CMTM6: variants seen among roughly 807,000 people sequenced by gnomAD.
The protein encoded by CMTM6 is CKLF like MARVEL transmembrane domain containing 6.
CMTM6 carries 5 observed loss-of-function variants against 13.6 expected under a neutral mutation model. The ratio of observed to expected loss-of-function variants is 0.37; its 90% confidence interval spans 0.19 to 0.77. The LOEUF is 0.77. Among genes scored for constraint, CMTM6 ranks in the 30% least tolerant of loss-of-function variants. CMTM6 has a pLI of 0.50. For synonymous variants in CMTM6, 99 were observed against 84.5 expected (o/e 1.17, Z -0.94); for missense variants, 196 against 218.6 (o/e 0.90, Z 0.65).
At position 32,483,954 on chromosome 3, in the gene CMTM6, G is replaced by C; in HGVS notation, c.*6C>G. ...TACCTTAGGTAACATCTGCTCCCCA[G>C]AGTCTTTAGGCATTAAGTGGCTCAG... is the stretch of plus-strand genomic sequence containing the variant. On this transcript the variant is annotated 3_prime_UTR_variant, in exon 4 of 4. Transcript: ENST00000205636. 3.8e-6 allele frequency: 6 copies of C among 1,590,334 alleles called. No homozygotes were observed. The highest frequency in any genetic ancestry group is 5.1e-6 in the Non-Finnish European group (6 of 1,171,758).
intron 1 of CMTM6, among the ~76,000 whole-genome samples, chr3:32,500,777 G>T (rs1291383770): frequency 1.3e-5 from 2 of 152,016 alleles, no homozygotes; most frequent in Non-Finnish European, 2.9e-5. Flanking sequence ...ACTATAAGAA[G>T]GTAATCAGAA....
rs185905931 is a variant in CMTM6 at position 32,497,731 on chromosome 3, G to A, written c.138+4877C>T. ...AAATTAGCCGGGCATGGTGGTGCACGCCTGTAGTCCCAGCTACTCAGGAGG... is the reference window on the plus strand; with the variant it reads ...AAATTAGCCGGGCATGGTGGTGCACACCTGTAGTCCCAGCTACTCAGGAGG... On this transcript the variant is annotated intron_variant, in intron 1 of 3. Transcript: ENST00000205636. 2.9e-3 allele frequency among the ~76,000 whole-genome samples: 440 copies of A among 151,852 alleles called. 1 individual carries two copies. The highest frequency in any genetic ancestry group is 0.01 in the African/African-American group (429 of 41,430).
At position 32,491,703 on chromosome 3, in the gene CMTM6, T is replaced by G; in HGVS notation, c.315+7A>C. ...TTAATACAGGGATGATATTTTCTCATGCTTACCGATGATTTTACTTTTGTG... is the reference window on the plus strand; with the variant it reads ...TTAATACAGGGATGATATTTTCTCAGGCTTACCGATGATTTTACTTTTGTG... On this transcript the variant is annotated splice_region_variant and intron_variant, in intron 2 of 3. Transcript: ENST00000205636. 1 of 1,586,136 alleles carries G rather than the reference T, an allele frequency of 6.3e-7. No homozygotes were observed. The highest frequency in any genetic ancestry group is 8.6e-7 in the Non-Finnish European group (1 of 1,167,760).
chr3:32,492,268 G>A (rs1190418878), intron 1 of CMTM6, among the ~76,000 whole-genome samples: 1 of 152,152 alleles, frequency 6.6e-6, no homozygotes, highest in East Asian at 1.9e-4. Flanking sequence ...CAGAGAAGCA[G>A]TATATAGAAA....
intron 3 of CMTM6, among the ~76,000 whole-genome samples, chr3:32,485,037 T>TA (rs1697190944): frequency 7.3e-6 from 1 of 137,408 alleles, no homozygotes; most frequent in East Asian, 2.5e-4. Flanking sequence ...CACCCTCCCA[T>TA]CCCCCGCCAC....
intron 1 of CMTM6, 47 bp from the exon 2 acceptor site, chr3:32,491,933 C>T: frequency 6.8e-7 from 1 of 1,473,812 alleles, no homozygotes; most frequent in African/African-American, 1.4e-5. Context: ...TTCAGAGAAT[C>T]TACAGTATTT....
intron 1 of CMTM6, among the ~76,000 whole-genome samples, chr3:32,494,882 A>G (rs1454060657): frequency 6.6e-6 from 1 of 152,234 alleles, no homozygotes; most frequent in Non-Finnish European, 1.5e-5. Context: ...AAGGGGTAGC[A>G]CAGGGAAGCC....
At chr3:32,487,798 G>A (rs1030706122) in intron 3 of CMTM6, 140 bp downstream of exon 3, 47 of 552,056 alleles carry the variant, frequency 8.5e-5, no homozygotes, top group Non-Finnish European at 1.5e-4. Flanking sequence ...TTGCTTGTAG[G>A]TCTTCTATTC....
intron 2 of CMTM6, among the ~76,000 whole-genome samples, chr3:32,488,748 G>T (rs1697226392): frequency 6.6e-6 from 1 of 152,154 alleles, no homozygotes; most frequent in African/African-American, 2.4e-5. Context: ...CTACATAAAA[G>T]CTTCCATATC....
chr3:32,502,622 T>C lies in CMTM6; in HGVS notation c.124A>G (p.Lys42Glu). The C allele has an allele frequency of 6.3e-7, 1 of 1,597,440 alleles. No homozygotes were observed. The highest frequency in any genetic ancestry group is 8.5e-7 in the Non-Finnish European group (1 of 1,174,008). ...CGCGGACTCACCAGCTGCAAGCCCT[T>C]GAGAACGCGCCGGAGCAATGGGAGC... ...GRLPLLRRVL[K>E]GLQLLLSLLA... The change falls in exon 1 of 4, where the codon AAG becomes GAG. Residue 42 changes from lysine to glutamate, a missense_variant. Physicochemically the swap from Lys to Glu is moderately conservative, Grantham distance 56. Coordinates refer to ENST00000205636, the MANE Select transcript of CMTM6 (RefSeq NM_017801.3).
At chr3:32,485,378 TG>T in intron 3 of CMTM6, among the ~76,000 whole-genome samples, 1 of 152,234 alleles carries the variant, frequency 6.6e-6, no homozygotes, top group East Asian at 1.9e-4. Flanking sequence ...ATATAAATAC[TG>T]GGACAGTCTA....
At chr3:32,489,929 CTGT>C (rs1697236662) in intron 2 of CMTM6, among the ~76,000 whole-genome samples, 1 of 152,168 alleles carries the variant, frequency 6.6e-6, no homozygotes, top group Non-Finnish European at 1.5e-5. Context: ...ATGTTGGCTA[CTGT>C]TGTTCTTAAT....
At chr3:32,484,231 GTAAAAAAAATT>G (rs1697182557) in intron 3 of CMTM6, 134 bp from the exon 4 acceptor site, 7 of 726,976 alleles carry the variant, frequency 9.6e-6, no homozygotes, top group Non-Finnish European at 4.0e-6. Context: ...CTCTTTAATG[GTAAAAAAAATT>G]TTTTTAAGTC....
At chr3:32,496,643 T>C (rs1368237443) in intron 1 of CMTM6, among the ~76,000 whole-genome samples, 1 of 152,116 alleles carries the variant, frequency 6.6e-6, no homozygotes, top group South Asian at 2.1e-4. Flanking sequence ...GCATTCATTA[T>C]ATGTAGGTTA....
chr3:32,489,455 A>G (rs775606905), intron 2 of CMTM6, among the ~76,000 whole-genome samples: 2 of 152,004 alleles, frequency 1.3e-5, no homozygotes, highest in Non-Finnish European at 2.9e-5. Context: ...GTTCAAGAAC[A>G]CCATGGCCAA....
Position 32,482,971 on chromosome 3 carries a change from T to C in CMTM6, c.*989A>G, listed in dbSNP as rs555520608. 16 of 152,626 alleles carry C rather than the reference T, an allele frequency of 1.0e-4. No individual in the cohort carries two copies. The highest frequency in any genetic ancestry group is 3.9e-4 in the African/African-American group (16 of 41,532). The allele number at this position is 152,626 out of a possible 1,614,324, so 9.5% of individuals were successfully genotyped here. A position where few individuals can be genotyped will look rare whatever the true frequency, so the allele number is the denominator to read the frequency against. The stretch of plus-strand genomic sequence containing the variant: ...GAACAGATGAAAAACCAAAGGCTGG[T>C]GTCCTAAAAAAAACAGATTGGCTTC... On this transcript the variant is annotated 3_prime_UTR_variant, in exon 4 of 4. Transcript: ENST00000205636.
intron 1 of CMTM6, among the ~76,000 whole-genome samples, chr3:32,499,970 A>G (rs1697330962): frequency 6.6e-6 from 1 of 151,702 alleles, no homozygotes; most frequent in African/African-American, 2.4e-5. Context: ...CGAAGACTCT[A>G]ATGTAAGAAT....
rs1053937134 is a variant in CMTM6, at chr3:32,484,068, G to C, written c.444C>G (p.Phe148Leu). The C allele has an allele frequency of 1.9e-6, 3 of 1,602,814 alleles. No individual in the cohort carries two copies. Among genetic ancestry groups the C allele is most frequent in the Non-Finnish European group, 2.6e-6 (3 of 1,176,122 alleles). ...ACAGCATAGTGATAAAGTCAAGTAG[G>C]AACATAAAACTTGCTATAAATCCAA... is the stretch of plus-strand genomic sequence containing the variant. ...IVFGFIASFMFLLDFITMLYE... is the reference protein window; with the variant it reads ...IVFGFIASFMLLLDFITMLYE... The change falls in exon 4 of 4, where the codon TTC becomes TTG. Residue 148 changes from phenylalanine (F) to leucine (L), a missense_variant. Coordinates refer to ENST00000205636, the MANE Select transcript of CMTM6 (RefSeq NM_017801.3).
chr3:32,491,572 A>T, intron 2 of CMTM6, 138 bp downstream of exon 2: 1 of 672,486 alleles, frequency 1.5e-6, no homozygotes, highest in Non-Finnish European at 2.3e-6. Flanking sequence ...TGAGGTGCTT[A>T]GAAGCAGAGC....
Sources: allele counts gnomAD v4.1 joint callset (sites outside exome capture counted in the v4.1 genomes callset), GRCh38; gene constraint gnomAD v4.1.1; transcripts MANE v1.5; gene names NCBI Gene and HGNC (gene_info 2026-07-23, HGNC 2026-07-21).